Variants in SPTSSB observed in about 807,000 individuals in gnomAD.
SPTSSB encodes serine palmitoyltransferase small subunit B, also known as androgen down regulated in mouse prostate.
Under a neutral mutation model 7.7 loss-of-function variants are expected in SPTSSB, and 6 were observed. The ratio of observed to expected loss-of-function variants is 0.78; its 90% CI spans 0.43 to 1.54. The LOEUF (loss-of-function observed/expected upper bound fraction) is 1.54, where lower values mean the gene tolerates loss of function less well. Ranked by LOEUF, SPTSSB falls within the 40% of genes most tolerant of loss-of-function variation. The probability of loss-of-function intolerance (pLI) is 0.01; values close to 1 mark genes in which losing one functional copy is unlikely to be tolerated. For synonymous variants in SPTSSB, 28 were observed against 29.7 expected (o/e 0.94, Z 0.19); for missense variants, 91 against 93.0 (o/e 0.98, Z 0.09).
At chr3:161,363,763 C>A (rs73878308) in intron 1 of SPTSSB, among the ~76,000 whole-genome samples, 7,018 of 152,028 alleles carry the variant, frequency 0.046, 236 homozygotes, top group African/African-American at 0.087. Flanking sequence ...TTTTAAATAT[C>A]TTTACACAGT....
At chr3:161,370,185 A>T (rs1345358079) in intron 1 of SPTSSB, among the ~76,000 whole-genome samples, 4 of 152,216 alleles carry the variant, frequency 2.6e-5, no homozygotes, top group African/African-American at 9.6e-5. Context: ...TTATAAAAGT[A>T]TTTGCAAATT....
intron 2 of SPTSSB, among the ~76,000 whole-genome samples, chr3:161,353,980 T>TC (rs1714658458): frequency 6.6e-6 from 1 of 151,962 alleles, no homozygotes; most frequent in Admixed American, 6.6e-5. Flanking sequence ...AGATTTGGAG[T>TC]CCAAGTTTTT....
intron 2 of SPTSSB, among the ~76,000 whole-genome samples, chr3:161,357,229 T>G (rs1261888980): frequency 6.6e-6 from 1 of 152,204 alleles, no homozygotes; most frequent in East Asian, 1.9e-4. Flanking sequence ...GAAAACATGT[T>G]GCTTTAGGCA....
chr3:161,357,711 C>T (rs1714833761), intron 2 of SPTSSB, among the ~76,000 whole-genome samples: 1 of 152,034 alleles, frequency 6.6e-6, no homozygotes, highest in Admixed American at 6.5e-5. Flanking sequence ...CTAAGGACAA[C>T]TGTTTTTAAA....
intron 2 of SPTSSB, among the ~76,000 whole-genome samples, chr3:161,355,460 T>C (rs1307832024): frequency 2.0e-5 from 3 of 152,198 alleles, no homozygotes; most frequent in African/African-American, 7.2e-5. Context: ...CAAATGTCCA[T>C]GGACAAATGG....
At chr3:161,362,529 A>G (rs1383062214) in intron 1 of SPTSSB, among the ~76,000 whole-genome samples, 1 of 152,146 alleles carries the variant, frequency 6.6e-6, no homozygotes, top group African/African-American at 2.4e-5. Context: ...CCCACCAAAT[A>G]TAAGAATTTA....
At chr3:161,349,858 A>C (rs1039745860) in intron 2 of SPTSSB, among the ~76,000 whole-genome samples, 2 of 152,096 alleles carry the variant, frequency 1.3e-5, no homozygotes, top group Non-Finnish European at 2.9e-5. Flanking sequence ...CTTATTTCTG[A>C]TTGTTACTAC....
intron 1 of SPTSSB, among the ~76,000 whole-genome samples, chr3:161,370,410 T>C (rs1715457121): frequency 6.6e-6 from 1 of 152,198 alleles, no homozygotes. Context: ...TTTGGTCTAG[T>C]TATCTATGTA....
At chr3:161,356,620 A>C (rs1714781873) in intron 2 of SPTSSB, among the ~76,000 whole-genome samples, 1 of 152,230 alleles carries the variant, frequency 6.6e-6, no homozygotes, top group South Asian at 2.1e-4. Context: ...TTTTAAAAAA[A>C]CATATTTATC....
chr3:161,369,703 G>GGAT (rs1715424592), intron 1 of SPTSSB, among the ~76,000 whole-genome samples: 1 of 151,932 alleles, frequency 6.6e-6, no homozygotes, highest in Non-Finnish European at 1.5e-5. Flanking sequence ...ACAAAGCTGG[G>GGAT]GATGATGAGT....
intron 1 of SPTSSB, among the ~76,000 whole-genome samples, chr3:161,362,592 T>C (rs894322198): frequency 2.6e-5 from 4 of 152,152 alleles, no homozygotes; most frequent in Admixed American, 6.5e-5. Context: ...CTAATCAAAA[T>C]TGATAACTGT....
At chr3:161,349,607 G>A (rs1225630155) in intron 2 of SPTSSB, among the ~76,000 whole-genome samples, 2 of 152,142 alleles carry the variant, frequency 1.3e-5, no homozygotes, top group African/African-American at 4.8e-5. Context: ...AAAAAGAAAA[G>A]TTTCCTCTAA....
Position 161,346,221 on chromosome 3 carries a change from T to G in SPTSSB, c.103A>C (p.Asn35His), listed in dbSNP as rs772683175. Residue 35 changes from asparagine to histidine, a missense_variant, in exon 3 of 3, where the codon AAC (asparagine) becomes CAC (histidine). Coordinates refer to ENST00000620149, the MANE Select transcript of SPTSSB (RefSeq NM_001040100.2). ...GCAATAATGGTTAGTAAGATGGTGT[T>G]AAACATAGATCGCTCCCAGGGCTCT... ...VLEPWERSMF[N>H]TILLTIIAMV... 6 of 1,613,454 alleles carry G rather than the reference T, an allele frequency of 3.7e-6. No homozygotes were observed. Among genetic ancestry groups the G allele is most frequent in the Non-Finnish European group, 5.1e-6 (6 of 1,179,502 alleles).
chr3:161,345,902 T>G lies in SPTSSB; in HGVS notation c.*191A>C, dbSNP rs912188020. 9.7e-6 allele frequency: 5 copies of G among 516,788 alleles called. No homozygotes were observed. The Admixed American group carries it at 1.7e-4, about 17-fold the overall frequency. The allele number at this position is 516,788 out of a possible 1,614,324, so 32.0% of individuals were successfully genotyped here. A position where few individuals can be genotyped will look rare whatever the true frequency, so the allele number is the denominator to read the frequency against. On this transcript the variant is annotated 3_prime_UTR_variant, in exon 3 of 3. Coordinates refer to ENST00000620149, the MANE Select transcript of SPTSSB (RefSeq NM_001040100.2). ...GTATTATCTCCGGTCTAAAGCACAATGTAGCATGTGCAAAAGAAACTAAAG... is the reference window on the plus strand; with the variant it reads ...GTATTATCTCCGGTCTAAAGCACAAGGTAGCATGTGCAAAAGAAACTAAAG...
At chr3:161,352,383 G>A (rs993200668) in intron 2 of SPTSSB, among the ~76,000 whole-genome samples, 6 of 152,074 alleles carry the variant, frequency 3.9e-5, no homozygotes, top group African/African-American at 1.4e-4. Flanking sequence ...CTATTTTAAG[G>A]CATATCTTCT....
At chr3:161,370,452 G>A (rs972627166) in intron 1 of SPTSSB, among the ~76,000 whole-genome samples, 17 of 152,130 alleles carry the variant, frequency 1.1e-4, no homozygotes, top group African/African-American at 3.9e-4. Flanking sequence ...GAAAGTCACC[G>A]AAATGACCTG....
At position 161,344,988 on chromosome 3, in the gene SPTSSB, A is replaced by G. The variant is rs1172750474; in HGVS notation, c.*1105T>C. 1.3e-5 allele frequency: 2 copies of G among 152,582 alleles called. No homozygotes were observed. Among genetic ancestry groups the G allele is most frequent in the Non-Finnish European group, 2.9e-5 (2 of 68,026 alleles). 9.5% of individuals were successfully genotyped at this position (152,582 alleles called of 1,614,324 possible). ...AAACAAGGGTGCAAATATTGTCCAA[A>G]CCTATTTACATTTTTACCCTCTAGA... On this transcript the variant is annotated 3_prime_UTR_variant, in exon 3 of 3. Transcript: ENST00000620149.
chr3:161,344,871 T>C lies in SPTSSB; in HGVS notation c.*1222A>G, dbSNP rs1271636371. 2 of 152,610 alleles carry C rather than the reference T, an allele frequency of 1.3e-5. No homozygotes were observed. Among genetic ancestry groups the C allele is most frequent in the Non-Finnish European group, 2.9e-5 (2 of 68,008 alleles). The allele number at this position is 152,610 out of a possible 1,614,324, so 9.5% of individuals were successfully genotyped here. ...TCAGATCTGGTTTCTCTTCAAAACA[T>C]GTGTTTGTTTTTTTAACAAACATGC... On this transcript the variant is annotated 3_prime_UTR_variant, in exon 3 of 3. Coordinates refer to ENST00000620149, the MANE Select transcript of SPTSSB (RefSeq NM_001040100.2).
Position 161,363,820 on chromosome 3 carries a change from A to G in SPTSSB, c.-125-3926T>C, listed in dbSNP as rs146011449. ...ATTGATTGCATTAGGCTAAATTTCA[A>G]GGTACCTCAAGATTTATTCCATTCG... On this transcript the variant is annotated intron_variant, in intron 1 of 2. Transcript: ENST00000620149. Among the ~76,000 whole-genome samples, 33 of 152,242 alleles carry G rather than the reference A, an allele frequency of 2.2e-4. No homozygotes were observed. In the East Asian group the frequency reaches 6.4e-3, roughly 29 times the overall value.
Sources: allele counts gnomAD v4.1 joint callset (sites outside exome capture counted in the v4.1 genomes callset), GRCh38; gene constraint gnomAD v4.1.1; transcripts MANE v1.5; gene names NCBI Gene and HGNC (gene_info 2026-07-23, HGNC 2026-07-21).